Variants in TDP1 observed in about 807,000 individuals in gnomAD.
TDP1 encodes the protein tyrosyl-DNA phosphodiesterase 1, also known as tyr-DNA phosphodiesterase 1.
Under a neutral mutation model 81.5 loss-of-function variants are expected in TDP1, and 64 were observed. That is an observed-to-expected ratio of 0.79 (90% confidence interval 0.64 to 0.97). The LOEUF (loss-of-function observed/expected upper bound fraction) is 0.97, where lower values mean the gene tolerates loss of function less well. TDP1 is among the 50% of genes least tolerant of loss of function. TDP1 has a pLI of 0.00. For synonymous variants in TDP1, 256 were observed against 264.3 expected (o/e 0.97, Z 0.30); for missense variants, 723 against 743.8 (o/e 0.97, Z 0.33).
chr14:90,035,137 G>C (rs1188703439), intron 16 of TDP1, among the ~76,000 whole-genome samples: 1 of 152,030 alleles, frequency 6.6e-6, no homozygotes, highest in Non-Finnish European at 1.5e-5. Context: ...AACCTTCTCA[G>C]CTTTCATAGT....
At position 89,963,691 on chromosome 14, in the gene TDP1, G is replaced by A; in HGVS notation, c.559+18G>A. 1 of 1,613,760 alleles carries A rather than the reference G, an allele frequency of 6.2e-7. No individual in the cohort carries two copies. The highest frequency in any genetic ancestry group is 8.5e-7 in the Non-Finnish European group (1 of 1,179,776). On this transcript the variant is annotated intron_variant, in intron 3 of 16. Coordinates refer to ENST00000335725, the MANE Select transcript of TDP1 (RefSeq NM_018319.4). ...CATCAAGGGTAAGAGGATGCTGGGT[G>A]TCAAGGAGCTGTTGAATTGCCCTTG...
intron 5 of TDP1, among the ~76,000 whole-genome samples, chr14:89,969,637 T>A (rs1447627995): frequency 6.6e-6 from 1 of 152,284 alleles, no homozygotes; most frequent in Non-Finnish European, 1.5e-5. Flanking sequence ...CACAGGTGCG[T>A]GTTTCATAGT....
At chr14:90,006,818 C>A (rs573037253) in intron 14 of TDP1, among the ~76,000 whole-genome samples, 1 of 152,096 alleles carries the variant, frequency 6.6e-6, no homozygotes, top group East Asian at 1.9e-4. Context: ...GGATTACAGG[C>A]GTGAGGCACC....
chr14:89,972,856 T>C (rs1325988303), intron 6 of TDP1, among the ~76,000 whole-genome samples: 4 of 152,312 alleles, frequency 2.6e-5, no homozygotes, highest in Middle Eastern at 6.8e-3. Flanking sequence ...CTTAGTGAAA[T>C]TGGCAAAAGA....
chr14:89,973,190 G>T (rs1165474391), intron 6 of TDP1, among the ~76,000 whole-genome samples: 1 of 152,020 alleles, frequency 6.6e-6, no homozygotes, highest in Non-Finnish European at 1.5e-5. Context: ...CCTTTGCTTC[G>T]CAGTTGCCAA....
intron 15 of TDP1, among the ~76,000 whole-genome samples, chr14:90,020,166 G>T (rs896056946): frequency 3.9e-5 from 6 of 152,134 alleles, no homozygotes; most frequent in African/African-American, 1.2e-4. Flanking sequence ...AGGGGCTGGG[G>T]TGTACAAGCC....
intron 3 of TDP1, chr14:89,964,798 A>T: frequency 2.5e-6 from 1 of 402,450 alleles, no homozygotes; most frequent in Non-Finnish European, 4.8e-6. Context: ...GCACCAAGGT[A>T]TTGTGGTAAC....
chr14:90,016,650 A>C (rs1885346654), intron 14 of TDP1, among the ~76,000 whole-genome samples: 1 of 152,230 alleles, frequency 6.6e-6, no homozygotes, highest in Non-Finnish European at 1.5e-5. Context: ...CTCCAGCATC[A>C]GGACAAAGAT....
intron 14 of TDP1, among the ~76,000 whole-genome samples, chr14:89,998,389 T>C (rs1454595580): frequency 1.4e-5 from 1 of 73,940 alleles, no homozygotes; most frequent in Non-Finnish European, 2.3e-5. Flanking sequence ...TATATATATA[T>C]ATATATATAT....
intron 9 of TDP1, 27 bp downstream of exon 9, chr14:89,984,710 TGCTTATGATAG>T: frequency 6.2e-7 from 1 of 1,611,794 alleles, no homozygotes; most frequent in South Asian, 1.1e-5. Flanking sequence ...CAATTTGGGG[TGCTTATGATAG>T]GCTTATACCT....
chr14:90,028,912 A>G (rs1197641051), intron 15 of TDP1, among the ~76,000 whole-genome samples: 2 of 152,190 alleles, frequency 1.3e-5, no homozygotes, highest in Admixed American at 6.5e-5. Context: ...GACTAATAGG[A>G]GCTAAAGAAG....
At chr14:89,974,922 A>G (rs1210882596) in intron 6 of TDP1, among the ~76,000 whole-genome samples, 3 of 152,234 alleles carry the variant, frequency 2.0e-5, no homozygotes, top group African/African-American at 4.8e-5. Flanking sequence ...CATGTTTTCT[A>G]TATACATACC....
intron 9 of TDP1, 129 bp downstream of exon 9, chr14:89,984,812 G>GATCC: frequency 6.3e-7 from 1 of 1,581,162 alleles, no homozygotes; most frequent in Admixed American, 1.8e-5. Context: ...ATGTGATGAG[G>GATCC]GGATGAGCAG....
intron 14 of TDP1, among the ~76,000 whole-genome samples, chr14:90,011,280 T>C (rs1884668162): frequency 2.0e-5 from 3 of 152,112 alleles, no homozygotes; most frequent in African/African-American, 4.8e-5. Context: ...CAGACTGTTA[T>C]AGTAAATTGC....
intron 15 of TDP1, among the ~76,000 whole-genome samples, chr14:90,029,333 GA>G (rs1344528007): frequency 6.6e-6 from 1 of 151,744 alleles, no homozygotes; most frequent in East Asian, 1.9e-4. Flanking sequence ...AAGTAGCTGG[GA>G]TTACAGATGC....
chr14:90,042,834 A>G, intron 16 of TDP1: 1 of 976,340 alleles, frequency 1.0e-6, no homozygotes, highest in Non-Finnish European at 1.2e-6. Context: ...TCAAAATGAG[A>G]TTTGGATGGG....
intron 15 of TDP1, chr14:90,023,140 G>T: frequency 1.4e-6 from 1 of 731,204 alleles, no homozygotes; most frequent in Non-Finnish European, 2.5e-6. Flanking sequence ...AACAACTAGG[G>T]TGTGGGGCAT....
chr14:89,958,614 C>A (rs533430988), intron 2 of TDP1, among the ~76,000 whole-genome samples: 3 of 152,228 alleles, frequency 2.0e-5, no homozygotes, highest in South Asian at 2.1e-4. Context: ...ATGTAAAAAA[C>A]CAATTAGGGA....
intron 7 of TDP1, among the ~76,000 whole-genome samples, chr14:89,978,067 G>C (rs1262571546): frequency 1.3e-5 from 2 of 152,176 alleles, no homozygotes; most frequent in Admixed American, 6.5e-5. Context: ...GGCGAGGCAT[G>C]CCTCTTTCCA....
Sources: gnomAD v4.1 joint callset for allele counts (sites outside exome capture counted in the v4.1 genomes callset) on GRCh38, gnomAD v4.1.1 for gene constraint, MANE v1.5 for transcripts, NCBI Gene and HGNC (gene_info 2026-07-23, HGNC 2026-07-21) for gene names.